PSMF1: variants seen among roughly 807,000 people sequenced by gnomAD.
PSMF1 encodes the protein proteasome inhibitor subunit 1, also known as proteasome inhibitor PI31 subunit.
Under a neutral mutation model 29.3 loss-of-function variants are expected in PSMF1, and 30 were observed. The ratio of observed to expected loss-of-function variants is 1.02; its 90% CI spans 0.77 to 1.39. The LOEUF (loss-of-function observed/expected upper bound fraction) is 1.39. Ranked by LOEUF, PSMF1 falls within the 40% of genes most tolerant of loss-of-function variation. The pLI, the probability that PSMF1 is intolerant of heterozygous loss-of-function variation, is 0.00. For synonymous variants in PSMF1, 134 were observed against 139.7 expected (o/e 0.96, Z 0.29); for missense variants, 344 against 357.5 (o/e 0.96, Z 0.31).
chr20:1,150,735 T>C (rs2122567469), intron 4 of PSMF1, among the ~76,000 whole-genome samples: 1 of 152,316 alleles, frequency 6.6e-6, no homozygotes, highest in Middle Eastern at 3.4e-3. Flanking sequence ...TTAATGGTTT[T>C]TTTTAATTAT....
At position 1,147,175 on chromosome 20, in the gene PSMF1, A is replaced by G. The variant is rs748648551; in HGVS notation, c.551+11869A>G. Among the ~76,000 whole-genome samples, 313 of 119,894 alleles carry G rather than the reference A, an allele frequency of 2.6e-3. 1 individual carries two copies. Among genetic ancestry groups the G allele is most frequent in the African/African-American group, 7.8e-3 (195 of 25,110 alleles). The allele number at this position is 119,894 out of a possible 152,430, so 78.7% of individuals were successfully genotyped here. A position where few individuals can be genotyped will look rare whatever the true frequency, so the allele number is the denominator to read the frequency against. ...CATCATCATCATCATCATCATCATCATCACCACCCTGTGTTGAGGACAGAA... is the reference window on the plus strand; with the variant it reads ...CATCATCATCATCATCATCATCATCGTCACCACCCTGTGTTGAGGACAGAA... On this transcript the variant is annotated intron_variant, in intron 4 of 6. Coordinates refer to ENST00000335877, the MANE Select transcript of PSMF1 (RefSeq NM_006814.5).
At chr20:1,127,390 A>G in intron 2 of PSMF1, 36 bp from the exon 3 acceptor site, 1 of 1,496,202 alleles carries the variant, frequency 6.7e-7, no homozygotes, top group Non-Finnish European at 9.3e-7. Context: ...AGCCAGAAAT[A>G]TCCCAGTCTC....
intron 3 of PSMF1, among the ~76,000 whole-genome samples, chr20:1,134,379 A>T (rs990102429): frequency 5.3e-5 from 8 of 152,036 alleles, no homozygotes; most frequent in African/African-American, 1.9e-4. Context: ...GTATTTAGAG[A>T]GTTAACTTTT....
chr20:1,166,143 G>T lies in PSMF1; in HGVS notation c.*1063G>T, dbSNP rs2086726977. Reference sequence around the variant, plus strand: ...GGAGCATGGGCTGCCTCTGAGTGTGGTGTTGAACTTCGGGAGGAGCAGGGA... The same window carrying T: ...GGAGCATGGGCTGCCTCTGAGTGTGTTGTTGAACTTCGGGAGGAGCAGGGA... On this transcript the variant is annotated 3_prime_UTR_variant, in exon 7 of 7. Coordinates refer to ENST00000335877, the MANE Select transcript of PSMF1 (RefSeq NM_006814.5). The T allele has an allele frequency of 1.3e-6, 2 of 1,577,834 alleles. No individual in the cohort carries two copies. Among genetic ancestry groups the T allele is most frequent in the East Asian group, 2.3e-5 (1 of 43,048 alleles).
At position 1,165,552 on chromosome 20, in the gene PSMF1, G is replaced by A. The variant is rs1026253128; in HGVS notation, c.*472G>A. 4 of 997,016 alleles carry A rather than the reference G, an allele frequency of 4.0e-6. No homozygotes were observed. Among genetic ancestry groups the A allele is most frequent in the Non-Finnish European group, 4.8e-6 (4 of 837,108 alleles). The allele number at this position is 997,016 out of a possible 1,614,324, so 61.8% of individuals were successfully genotyped here. ...TTAGAGTTTGAGTTTCTGTAGGGCT[G>A]AATGACTCTTTTTCCTGCCCAGGGC... On this transcript the variant is annotated 3_prime_UTR_variant, in exon 7 of 7. Transcript: ENST00000335877.
chr20:1,118,469 C>T (rs1404183743), upstream of PSMF1: 4 of 270,884 alleles, frequency 1.5e-5, no homozygotes, highest in Non-Finnish European at 2.8e-5. Context: ...CTGTCGACTG[C>T]CGCCAAGACC....
At chr20:1,135,351 G>GA (rs2086293120) in intron 4 of PSMF1, 45 bp downstream of exon 4, 1 of 1,540,570 alleles carries the variant, frequency 6.5e-7, no homozygotes, top group African/African-American at 1.4e-5. Context: ...TCTGTAGAGG[G>GA]ATTCCAGCCA....
In PSMF1 at chr20:1,163,166, A is replaced by G. The variant is rs142460244; in HGVS notation, c.588A>G (p.Glu196=). 6.2e-7 allele frequency: 1 copy of G among 1,613,998 alleles called. No homozygotes were observed. The highest frequency in any genetic ancestry group is 8.5e-7 in the Non-Finnish European group (1 of 1,180,030). The change falls in exon 5 of 7, where the codon GAA becomes GAG. Residue 196 remains glutamate (E), a synonymous_variant. Transcript: ENST00000335877. This position sits in a 1 kb window ranked among gnomAD's most constrained non-coding sequence, Gnocchi z 6.1. The stretch of plus-strand genomic sequence containing the variant: ...TGGGCCCGTTTGTTGTCGGGGGAGA[A>G]GACTTAGACCCTTTTGGGTGAGTAC... ...DPLGPFVVGG[E]DLDPFGPRRG...
At chr20:1,127,565 T>G in intron 3 of PSMF1, 57 bp downstream of exon 3, 21 of 1,381,240 alleles carry the variant, frequency 1.5e-5, no homozygotes, top group South Asian at 2.3e-5. Flanking sequence ...AATGGCAAGA[T>G]ATGAGGAATA....
intron 3 of PSMF1, among the ~76,000 whole-genome samples, chr20:1,130,521 C>T (rs1265814116): frequency 6.6e-6 from 1 of 152,182 alleles, no homozygotes; most frequent in Non-Finnish European, 1.5e-5. Context: ...AAGTGCTCTC[C>T]CTGACCTCAC....
intron 4 of PSMF1, among the ~76,000 whole-genome samples, chr20:1,139,594 A>C (rs2086354970): frequency 6.6e-6 from 1 of 152,014 alleles, no homozygotes; most frequent in African/African-American, 2.4e-5. Flanking sequence ...AAATACAAAA[A>C]ATTAGCTGGG....
At chr20:1,118,556 A>G (rs2072964), upstream of PSMF1, 377,943 of 488,338 alleles carry the variant, frequency 0.77, 148,627 homozygotes, top group Non-Finnish European at 0.82. Flanking sequence ...CGCGTTGCCA[A>G]CCCGGCGCGC....
At chr20:1,160,697 C>CCAACA in intron 4 of PSMF1, 1 of 492,522 alleles carries the variant, frequency 2.0e-6, no homozygotes, top group South Asian at 1.5e-5. Context: ...TCAGGTGCCC[C>CCAACA]CAACACCAGG....
chr20:1,148,450 T>C (rs1212866984), intron 4 of PSMF1, among the ~76,000 whole-genome samples: 1 of 152,254 alleles, frequency 6.6e-6, no homozygotes, highest in African/African-American at 2.4e-5. Context: ...AAAACAGTTT[T>C]TTCTATGCTT....
rs1364191607 is a variant in PSMF1, at chr20:1,118,996, G to C, written c.129+94G>C. On this transcript the variant is annotated intron_variant, in intron 1 of 6. Transcript: ENST00000335877. ...CTGGTCCAGAGCGCCCGATTTCCCC[G>C]CTTCTCCCAGTGCAGGGTCTGGGGC... 2.0e-6 allele frequency: 3 copies of C among 1,491,070 alleles called. No individual in the cohort carries two copies. In the Admixed American group the frequency reaches 5.5e-5, roughly 27 times the overall value. The allele number at this position is 1,491,070 out of a possible 1,614,324, so 92.4% of individuals were successfully genotyped here. A position where few individuals can be genotyped will look rare whatever the true frequency, so the allele number is the denominator to read the frequency against.
At chr20:1,162,900 T>A (rs906198734) in intron 4 of PSMF1, among the ~76,000 whole-genome samples, 4 of 152,178 alleles carry the variant, frequency 2.6e-5, no homozygotes, top group Admixed American at 6.5e-5. Context: ...TTTAAAATAT[T>A]AATACTTAAT....
rs550069004 is a variant in PSMF1, at chr20:1,163,406, C to T, written c.605+223C>T. Among the ~76,000 whole-genome samples, 7 of 152,338 alleles carry T rather than the reference C, an allele frequency of 4.6e-5. No individual in the cohort carries two copies. The South Asian group carries it at 1.2e-3, about 27-fold the overall frequency. On this transcript the variant is annotated intron_variant, in intron 5 of 6. Coordinates refer to ENST00000335877, the MANE Select transcript of PSMF1 (RefSeq NM_006814.5). This position sits in a 1 kb window ranked among gnomAD's most constrained non-coding sequence, Gnocchi z 6.1. Reference sequence around the variant, plus strand: ...TTGGCAGGGAGGTGAACAAGCCTAGCAGGCAGCTCTTCTGCCATTTCCCGG... The same window carrying T: ...TTGGCAGGGAGGTGAACAAGCCTAGTAGGCAGCTCTTCTGCCATTTCCCGG...
chr20:1,126,448 A>C (rs1198720777), intron 2 of PSMF1, among the ~76,000 whole-genome samples: 1 of 152,140 alleles, frequency 6.6e-6, no homozygotes, highest in African/African-American at 2.4e-5. Context: ...ACTATTATAT[A>C]GTTTCTCATA....
intron 1 of PSMF1, among the ~76,000 whole-genome samples, chr20:1,124,532 C>T (rs903578767): frequency 2.9e-5 from 4 of 137,146 alleles, no homozygotes; most frequent in African/African-American, 1.1e-4. Context: ...AAAAGCTTTT[C>T]CTCCATGCAT....
Sources: gnomAD v4.1 joint callset for allele counts (sites outside exome capture counted in the v4.1 genomes callset) on GRCh38, gnomAD v4.1.1 for gene constraint, Gnocchi (gnomAD v3.1) non-coding constraint, MANE v1.5 for transcripts, NCBI Gene and HGNC (gene_info 2026-07-23, HGNC 2026-07-21) for gene names.